The following LAYN variants were observed in gnomAD, a reference collection of about 807,000 sequenced individuals.
LAYN encodes layilin.
A neutral mutation model predicts 43.6 loss-of-function variants in LAYN; 38 were observed. The observed-to-expected ratio is 0.87, with a 90% CI of 0.67 to 1.14. The LOEUF (loss-of-function observed/expected upper bound fraction) is 1.14, where lower values mean the gene tolerates loss of function less well. Among genes scored for constraint, LAYN ranks in the 50% most tolerant of loss-of-function variants. The probability of loss-of-function intolerance (pLI) is 0.00; values close to 1 mark genes in which losing one functional copy is unlikely to be tolerated. For missense variants in LAYN, 479 were observed against 463.8 expected, an observed-to-expected ratio of 1.03 and a Z score of -0.30; for synonymous variants, 168 against 172.9, an observed-to-expected ratio of 0.97 and a Z score of 0.22.
At chr11:111,542,760 T>C (rs566108596) in intron 1 of LAYN, among the ~76,000 whole-genome samples, 66 of 152,214 alleles carry the variant, frequency 4.3e-4, no homozygotes, top group Non-Finnish European at 7.5e-4. Flanking sequence ...ACTTTGAACA[T>C]TTGAATCCGG....
Position 111,540,856 on chromosome 11 carries a change from A to G in LAYN, c.13A>G (p.Thr5Ala). The G allele has an allele frequency of 6.5e-7, 1 of 1,530,210 alleles. No homozygotes were observed. Among genetic ancestry groups the G allele is most frequent in the Non-Finnish European group, 8.7e-7 (1 of 1,144,754 alleles). 94.8% of individuals were successfully genotyped at this position (1,530,210 alleles called of 1,614,324 possible). The change falls in exon 1 of 7, where the codon ACC becomes GCC. Residue 5 changes from threonine (T) to alanine (A), a missense_variant. By Grantham distance (58) the Thr-to-Ala change is moderately conservative (BLOSUM62 0). Coordinates refer to ENST00000375614, the MANE Select transcript of LAYN (RefSeq NM_178834.5). MRPGTALQAVLLAVL... is the reference protein window; with the variant it reads MRPGAALQAVLLAVL... ...CCCGAGTCGGGCCATGAGGCCGGGAACCGCGCTACAGGCCGTGCTGCTGGC... is the reference window on the plus strand; with the variant it reads ...CCCGAGTCGGGCCATGAGGCCGGGAGCCGCGCTACAGGCCGTGCTGCTGGC...
chr11:111,547,398 T>A lies in LAYN; in HGVS notation c.384-2220T>A, dbSNP rs1194894610. ...ATGTCAGCCATATAGTAGGTCAGTGTGATTTTCTGCAAGATGTCTAGGAAA... is the reference window on the plus strand; with the variant it reads ...ATGTCAGCCATATAGTAGGTCAGTGAGATTTTCTGCAAGATGTCTAGGAAA... On this transcript the variant is annotated intron_variant, in intron 2 of 6. Coordinates refer to ENST00000375614, the MANE Select transcript of LAYN (RefSeq NM_178834.5). 2.6e-5 allele frequency among the ~76,000 whole-genome samples: 4 copies of A among 152,206 alleles called. No homozygotes were observed. In the East Asian group the frequency reaches 7.7e-4, roughly 29 times the overall value.
In LAYN at chr11:111,541,778, A is replaced by G. The variant is rs539684068; in HGVS notation, c.85+850A>G. 3.7e-4 allele frequency among the ~76,000 whole-genome samples: 56 copies of G among 152,188 alleles called. 1 individual carries two copies. The highest frequency in any genetic ancestry group is 1.3e-3 in the African/African-American group (53 of 41,540). ...TAAAGAATGTAAAGTTGGTTTCAGG[A>G]TGGGGGCGGGGCGGCAAAAGAGGTG... On this transcript the variant is annotated intron_variant, in intron 1 of 6. Coordinates refer to ENST00000375614, the MANE Select transcript of LAYN (RefSeq NM_178834.5).
chr11:111,547,200 A>G (rs180785390), intron 2 of LAYN, among the ~76,000 whole-genome samples: 260 of 152,290 alleles, frequency 1.7e-3, no homozygotes, highest in Non-Finnish European at 3.0e-3. Flanking sequence ...TTGTTCTTCA[A>G]TTTGAAAGGG....
chr11:111,554,550 T>C lies in LAYN; in HGVS notation c.542-11T>C, dbSNP rs369158126. 6.3e-5 allele frequency: 101 copies of C among 1,609,674 alleles called. No individual in the cohort carries two copies. In the African/African-American group the frequency reaches 1.2e-3, roughly 20 times the overall value. ...ACTACTTATTTTTGTTTTTGTTTCT[T>C]TCTACTACAGAGAAACCAGCAGTTC... On this transcript the variant is annotated splice_polypyrimidine_tract_variant and intron_variant, in intron 3 of 6. Transcript: ENST00000375614.
chr11:111,544,127 G>A lies in LAYN; in HGVS notation c.290G>A (p.Trp97Ter), dbSNP rs748073092. 8.1e-6 allele frequency: 13 copies of A among 1,614,070 alleles called. No individual in the cohort carries two copies. The highest frequency in any genetic ancestry group is 1.1e-5 in the Non-Finnish European group (13 of 1,180,022). The change falls in exon 2 of 7, where the codon TGG (tryptophan) becomes TAG (stop). Residue 97 changes from tryptophan (W) to a stop codon, truncating the protein, a stop_gained. Coordinates refer to ENST00000375614, the MANE Select transcript of LAYN (RefSeq NM_178834.5). LOFTEE classifies it high-confidence loss of function. ...CTCTTGCCATCTGATGGTGACTTCT[G>A]GATTGGGCTCAGGAGGCGTGAGGAG... ...ENLLPSDGDF[W>*]IGLRRREEKQ...
chr11:111,544,309 A>G, intron 2 of LAYN, 89 bp downstream of exon 2: 1 of 1,287,802 alleles, frequency 7.8e-7, no homozygotes, highest in Non-Finnish European at 1.1e-6. Flanking sequence ...TCAGTGGGGA[A>G]GAGAAGACCA....
At chr11:111,541,316 G>A in intron 1 of LAYN, 1 of 604,348 alleles carries the variant, frequency 1.7e-6, no homozygotes, top group Non-Finnish European at 2.9e-6. Context: ...CTTGCCAGCT[G>A]GCCCCCGCCT....
At chr11:111,549,487 C>G (rs576530835) in intron 2 of LAYN, 131 bp from the exon 3 acceptor site, 54 of 679,966 alleles carry the variant, frequency 7.9e-5, no homozygotes, top group Middle Eastern at 8.4e-4. Context: ...CAATTCCTAC[C>G]TCTCTCTGTA....
rs1275875553 is a variant in LAYN, at chr11:111,541,517, C to T, written c.85+589C>T. On this transcript the variant is annotated intron_variant, in intron 1 of 6. Coordinates refer to ENST00000375614, the MANE Select transcript of LAYN (RefSeq NM_178834.5). ...GTGTGGGACGAGCCCCACCTGACTC[C>T]GGGGAATGACTCTCTGCTTCCTTCC... 25 of 1,530,296 alleles carry T rather than the reference C, an allele frequency of 1.6e-5. No homozygotes were observed. The African/African-American group carries it at 2.9e-4, about 18-fold the overall frequency. 94.8% of individuals were successfully genotyped at this position (1,530,296 alleles called of 1,614,324 possible).
chr11:111,543,895 G>A, intron 1 of LAYN, 28 bp from the exon 2 acceptor site: 1 of 1,584,156 alleles, frequency 6.3e-7, no homozygotes, highest in Non-Finnish European at 8.6e-7. Context: ...TTGAGACACT[G>A]AAATAGATTG....
At chr11:111,540,461 T>C (rs920201096), upstream of LAYN, 2 of 284,652 alleles carry the variant, frequency 7.0e-6, no homozygotes, top group African/African-American at 2.3e-5. Context: ...CGTTATCAGA[T>C]TGCCTAGGGG....
At chr11:111,551,205 A>G (rs1867738624) in intron 3 of LAYN, 4 of 384,568 alleles carry the variant, frequency 1.0e-5, no homozygotes, top group Admixed American at 6.4e-5. Flanking sequence ...GCCCAACAGG[A>G]GCTATTACCA....
chr11:111,559,523 G>C (rs539243543), intron 6 of LAYN, among the ~76,000 whole-genome samples: 1 of 151,608 alleles, frequency 6.6e-6, no homozygotes, highest in Non-Finnish European at 1.5e-5. Context: ...GGAGTGCAGC[G>C]GTACCATCAC....
Position 111,555,233 on chromosome 11 carries a change from G to T in LAYN, c.601G>T (p.Val201Leu). 1 of 1,613,848 alleles carries T rather than the reference G, an allele frequency of 6.2e-7. No individual in the cohort carries two copies. The highest frequency in any genetic ancestry group is 8.5e-7 in the Non-Finnish European group (1 of 1,179,828). The change falls in exon 5 of 7, where the codon GTA becomes TTA. Residue 201 changes from valine (V) to leucine (L), a missense_variant. Coordinates refer to ENST00000375614, the MANE Select transcript of LAYN (RefSeq NM_178834.5). ...EGEETELTTP[V>L]LPEETQEEDA... ...TGAGGAAACAGAGCTGACAACACCT[G>T]TACTTCCAGAAGAAACACAGGAAGA... is the stretch of plus-strand genomic sequence containing the variant.
At chr11:111,554,626 G>A in intron 4 of LAYN, 33 bp downstream of exon 4, 1 of 1,595,054 alleles carries the variant, frequency 6.3e-7, no homozygotes, top group Non-Finnish European at 8.6e-7. Context: ...GGGTTAACTG[G>A]GGCTGTTTCA....
intron 2 of LAYN, among the ~76,000 whole-genome samples, chr11:111,544,685 A>C (rs1448016890): frequency 6.6e-6 from 1 of 152,166 alleles, no homozygotes; most frequent in Non-Finnish European, 1.5e-5. Flanking sequence ...TGCTAAACCC[A>C]CAGCATCAAG....
intron 1 of LAYN, chr11:111,541,336 T>C: frequency 3.3e-6 from 2 of 608,084 alleles, no homozygotes; most frequent in Non-Finnish European, 5.8e-6. Flanking sequence ...TACCGCCCGC[T>C]CCGGGAGGCG....
chr11:111,543,858 C>T, intron 1 of LAYN, 65 bp from the exon 2 acceptor site: 1 of 1,480,310 alleles, frequency 6.8e-7, no homozygotes, highest in Non-Finnish European at 9.1e-7. Flanking sequence ...TTGGATGCCT[C>T]CACGTATCCC....
Sources: allele counts gnomAD v4.1 joint callset (sites outside exome capture counted in the v4.1 genomes callset), GRCh38; gene constraint gnomAD v4.1.1; transcripts MANE v1.5; gene names NCBI Gene and HGNC (gene_info 2026-07-23, HGNC 2026-07-21).